Variants in CTNNA3 observed in about 807,000 individuals in gnomAD.
CTNNA3 encodes the protein catenin alpha-3.
Under a neutral mutation model 95.7 loss-of-function variants are expected in CTNNA3, and 76 were observed. The observed-to-expected ratio is 0.79, with a 90% CI of 0.66 to 0.96. CTNNA3 has a LOEUF of 0.96. CTNNA3 is among the 40% of genes least tolerant of loss of function. The probability of loss-of-function intolerance (pLI) is 0.00; values close to 1 mark genes in which losing one functional copy is unlikely to be tolerated. For missense variants in CTNNA3, 1,191 were observed against 1,089.8 expected, an observed-to-expected ratio of 1.09 and a Z score of -1.31; for synonymous variants, 431 against 374.4, an observed-to-expected ratio of 1.15 and a Z score of -1.74.
At chr10:66,134,468 AAAT>A (rs1190390228) in intron 13 of CTNNA3, among the ~76,000 whole-genome samples, 1 of 152,148 alleles carries the variant, frequency 6.6e-6, no homozygotes, top group Non-Finnish European at 1.5e-5. Flanking sequence ...GTAGTACTAA[AAAT>A]AAGATGAGGA....
intron 7 of CTNNA3, among the ~76,000 whole-genome samples, chr10:66,812,788 G>A (rs1841933281): frequency 6.6e-6 from 1 of 152,072 alleles, no homozygotes; most frequent in East Asian, 1.9e-4. Flanking sequence ...TGAAAAGCCA[G>A]TCCAGAAATT....
chr10:67,722,985 C>CT lies in CTNNA3; in HGVS notation c.-2+40448dup, dbSNP rs141498050. ...AGAATAACAATTATATCTTTCAGCT[C>CT]TTTTTTTTTTTTTTTTTTTGAGACA... On this transcript the variant is annotated intron_variant, in intron 1 of 17. Coordinates refer to the CTNNA3 transcript ENST00000684154. 3.0e-3 allele frequency among the ~76,000 whole-genome samples: 351 copies of CT among 118,650 alleles called. 1 individual carries two copies. The highest frequency in any genetic ancestry group is 4.4e-3 in the Middle Eastern group (1 of 226). The allele number at this position is 118,650 out of a possible 152,430, so 77.8% of individuals were successfully genotyped here. A position where few individuals can be genotyped will look rare whatever the true frequency, so the allele number is the denominator to read the frequency against.
intron 5 of CTNNA3, among the ~76,000 whole-genome samples, chr10:67,494,516 G>A (rs571915599): frequency 5.3e-5 from 8 of 152,220 alleles, no homozygotes; most frequent in African/African-American, 1.9e-4. Flanking sequence ...GTTTTTAAGA[G>A]CACCTTTCTT....
intron 5 of CTNNA3, among the ~76,000 whole-genome samples, chr10:67,316,155 G>A (rs1187704927): frequency 1.3e-5 from 2 of 151,994 alleles, no homozygotes; most frequent in Non-Finnish European, 2.9e-5. Flanking sequence ...TTAAATTCAA[G>A]TAAAAGTAAA....
chr10:66,729,377 G>A (rs187207752), intron 9 of CTNNA3, among the ~76,000 whole-genome samples: 228 of 152,342 alleles, frequency 1.5e-3, no homozygotes, highest in Non-Finnish European at 2.6e-3. Context: ...CAACAATTGC[G>A]GAAGACAGTG....
chr10:66,090,041 A>G (rs753822544), intron 14 of CTNNA3, among the ~76,000 whole-genome samples: 13 of 152,082 alleles, frequency 8.5e-5, no homozygotes, highest in Non-Finnish European at 1.2e-4. Context: ...TACATTCGTG[A>G]CTACATAATT....
intron 5 of CTNNA3, among the ~76,000 whole-genome samples, chr10:67,332,315 C>G (rs946374528): frequency 3.2e-4 from 49 of 152,222 alleles, no homozygotes; most frequent in African/African-American, 1.1e-3. Flanking sequence ...AAAATGGTAA[C>G]TGGGCCTCAG....
rs533938154 is a variant in CTNNA3, at chr10:66,962,389, T to G, written c.1048-186865A>C. ...TGCCTCCTCAACTCCTCTAAGTTTT[T>G]TTTTGTTTTGTTTTTTGTTTTTGTT... On this transcript the variant is annotated intron_variant, in intron 7 of 17. Transcript: ENST00000433211. 9.9e-5 allele frequency among the ~76,000 whole-genome samples: 15 copies of G among 151,270 alleles called. No individual in the cohort carries two copies. In the South Asian group the frequency reaches 2.3e-3, roughly 23 times the overall value.
At chr10:66,617,251 A>C (rs956781946) in intron 10 of CTNNA3, among the ~76,000 whole-genome samples, 5 of 152,010 alleles carry the variant, frequency 3.3e-5, no homozygotes, top group African/African-American at 1.2e-4. Context: ...TGATTTAGGG[A>C]GAAGGGAGAT....
chr10:67,137,276 G>A lies in CTNNA3; in HGVS notation c.1047+43041C>T, dbSNP rs142263619. ...TATATATTGTTTATATATTGTTTTTGTCATAAGAAAATGATTTTGTTGCAT... is the reference window on the plus strand; with the variant it reads ...TATATATTGTTTATATATTGTTTTTATCATAAGAAAATGATTTTGTTGCAT... On this transcript the variant is annotated intron_variant, in intron 7 of 17. Coordinates refer to ENST00000433211, the MANE Select transcript of CTNNA3 (RefSeq NM_013266.4). Among the ~76,000 whole-genome samples the A allele has an allele frequency of 1.6e-3, 236 of 149,692 alleles. 1 individual carries two copies. The highest frequency in any genetic ancestry group is 5.6e-3 in the African/African-American group (226 of 40,208).
chr10:66,952,334 GAGCTACT>G (rs1355463968), intron 7 of CTNNA3, among the ~76,000 whole-genome samples: 1 of 152,178 alleles, frequency 6.6e-6, no homozygotes, highest in Admixed American at 6.6e-5. Flanking sequence ...CTCAATCTAA[GAGCTACT>G]ACCTTTCAAC....
chr10:66,285,440 TA>T (rs2091568347), intron 12 of CTNNA3, among the ~76,000 whole-genome samples: 1 of 151,822 alleles, frequency 6.6e-6, no homozygotes, highest in African/African-American at 2.4e-5. Context: ...TTAATATTAA[TA>T]AATAATATTT....
Position 66,915,905 on chromosome 10 carries a change from C to T in CTNNA3, c.1048-140381G>A, listed in dbSNP as rs372175604. Among the ~76,000 whole-genome samples, 611 of 151,910 alleles carry T rather than the reference C, an allele frequency of 4.0e-3. 4 individuals are homozygous for T. The highest frequency in any genetic ancestry group is 4.3e-3 in the Non-Finnish European group (292 of 67,956). ...CTGGGACTACAGGCGCCTGCCACCA[C>T]GCCCAGATAATTGTTGTATTTTTAG... On this transcript the variant is annotated intron_variant, in intron 7 of 17. Coordinates refer to ENST00000433211, the MANE Select transcript of CTNNA3 (RefSeq NM_013266.4).
At chr10:67,161,124 A>G (rs1362008283) in intron 7 of CTNNA3, among the ~76,000 whole-genome samples, 2 of 152,144 alleles carry the variant, frequency 1.3e-5, no homozygotes, top group East Asian at 3.9e-4. Context: ...TTGTGCCTCT[A>G]GTTTTCATTT....
chr10:66,157,699 T>C (rs1010794659), intron 13 of CTNNA3, among the ~76,000 whole-genome samples: 2 of 152,076 alleles, frequency 1.3e-5, no homozygotes, highest in Non-Finnish European at 2.9e-5. Context: ...GTGAGATTAC[T>C]AGATCAAATG....
chr10:67,604,459 G>A (rs774078146), intron 3 of CTNNA3, among the ~76,000 whole-genome samples: 5 of 152,196 alleles, frequency 3.3e-5, no homozygotes, highest in Non-Finnish European at 7.3e-5. Context: ...ATTTTAAGCA[G>A]AGAAGTAAAA....
At chr10:67,243,086 G>C (rs892418567) in intron 5 of CTNNA3, among the ~76,000 whole-genome samples, 8 of 152,038 alleles carry the variant, frequency 5.3e-5, no homozygotes, top group Non-Finnish European at 8.8e-5. Context: ...ACTGAGAGGT[G>C]TTTACCTCTC....
At chr10:66,186,730 C>G (rs188762003) in intron 13 of CTNNA3, among the ~76,000 whole-genome samples, 1 of 152,204 alleles carries the variant, frequency 6.6e-6, no homozygotes, top group African/African-American at 2.4e-5. Context: ...CAATGTTAAA[C>G]ATCAATGAAG....
chr10:66,930,434 T>C (rs1191977793), intron 7 of CTNNA3, among the ~76,000 whole-genome samples: 2 of 152,194 alleles, frequency 1.3e-5, no homozygotes, highest in African/African-American at 4.8e-5. Flanking sequence ...AAAGCATCAG[T>C]AAATACATAT....
Sources: gnomAD v4.1 joint callset for allele counts (sites outside exome capture counted in the v4.1 genomes callset) on GRCh38, gnomAD v4.1.1 for gene constraint, MANE v1.5 for transcripts, NCBI Gene and HGNC (gene_info 2026-07-23, HGNC 2026-07-21) for gene names.